The following SLC25A48 variants were observed in gnomAD, a reference collection of about 807,000 sequenced individuals.
SLC25A48 encodes CTC-321K16.1.
In SLC25A48, 29 loss-of-function variants were observed where a neutral mutation model predicts 32.2. The observed-to-expected ratio is 0.90, with a 90% CI of 0.67 to 1.23. The LOEUF is 1.23. SLC25A48 is among the 50% of genes most tolerant of loss of function. The pLI, the probability that SLC25A48 is intolerant of heterozygous loss-of-function variation, is 0.00. For synonymous variants in SLC25A48, 164 were observed against 172.3 expected (o/e 0.95, Z 0.38); for missense variants, 399 against 422.7 (o/e 0.94, Z 0.49).
intron 6 of SLC25A48, among the ~76,000 whole-genome samples, chr5:135,876,860 C>T (rs1236097235): frequency 1.3e-5 from 2 of 152,140 alleles, no homozygotes; most frequent in Admixed American, 1.3e-4. Flanking sequence ...CCTCCAGTGC[C>T]CCAGGGGTGG....
chr5:135,816,130 C>G (rs1354528605), intron 4 of SLC25A48, among the ~76,000 whole-genome samples: 1 of 152,054 alleles, frequency 6.6e-6, no homozygotes, highest in Non-Finnish European at 1.5e-5. Context: ...CATCAGATCT[C>G]GTAAGAACTC....
upstream of SLC25A48, among the ~76,000 whole-genome samples, chr5:135,831,389 T>C (rs1473018405): frequency 6.6e-6 from 1 of 152,256 alleles, no homozygotes; most frequent in East Asian, 1.9e-4. Context: ...CAGTGCAGAA[T>C]GAGGCAGTAC....
At chr5:135,648,098 A>G (rs1175923714) in intron 3 of SLC25A48, among the ~76,000 whole-genome samples, 2 of 152,144 alleles carry the variant, frequency 1.3e-5, no homozygotes, top group African/African-American at 2.4e-5. Context: ...CTTATGAAGT[A>G]CAGGTAGCCT....
chr5:135,877,319 G>C (rs2126824125), intron 6 of SLC25A48, among the ~76,000 whole-genome samples: 1 of 152,268 alleles, frequency 6.6e-6, no homozygotes, highest in East Asian at 1.9e-4. Flanking sequence ...CAAGGAAGCA[G>C]CTGCTGTGGA....
intron 3 of SLC25A48, among the ~76,000 whole-genome samples, chr5:135,777,661 C>T (rs957473542): frequency 1.3e-5 from 2 of 151,360 alleles, no homozygotes; most frequent in African/African-American, 4.9e-5. Context: ...ATTATTACTC[C>T]CAATATCTCA....
intron 3 of SLC25A48, among the ~76,000 whole-genome samples, chr5:135,763,029 C>G (rs1342514928): frequency 6.6e-6 from 1 of 151,770 alleles, no homozygotes; most frequent in Non-Finnish European, 1.5e-5. Flanking sequence ...GAGAGTGAAC[C>G]TGGAGGGGCG....
chr5:135,702,618 A>G (rs1290874538), intron 3 of SLC25A48, among the ~76,000 whole-genome samples: 1 of 152,228 alleles, frequency 6.6e-6, no homozygotes, highest in Non-Finnish European at 1.5e-5. Context: ...GTAGAAAAGC[A>G]ATGGACCATT....
chr5:135,646,295 G>A (rs1379668926), intron 3 of SLC25A48, among the ~76,000 whole-genome samples: 1 of 152,110 alleles, frequency 6.6e-6, no homozygotes, highest in African/African-American at 2.4e-5. Context: ...AGGAGACCCA[G>A]CATGTGTTTC....
intron 3 of SLC25A48, among the ~76,000 whole-genome samples, chr5:135,686,133 A>G (rs934269875): frequency 1.3e-5 from 2 of 152,054 alleles, no homozygotes; most frequent in Admixed American, 6.6e-5. Flanking sequence ...TCTTCTCATC[A>G]CCACTTAACC....
intron 7 of SLC25A48, 143 bp downstream of exon 7, chr5:135,880,240 C>T: frequency 1.6e-6 from 2 of 1,215,720 alleles, no homozygotes; most frequent in South Asian, 1.7e-5. Context: ...GGCTGCCACC[C>T]TTTTCGTCAC....
chr5:135,870,080 C>T (rs1761516324), intron 4 of SLC25A48, among the ~76,000 whole-genome samples: 1 of 152,192 alleles, frequency 6.6e-6, no homozygotes, highest in East Asian at 1.9e-4. Context: ...TGCTTCTAAC[C>T]TTTCCTCTGA....
chr5:135,797,770 ACT>A (rs1004652156), intron 3 of SLC25A48, among the ~76,000 whole-genome samples: 6 of 151,638 alleles, frequency 4.0e-5, no homozygotes, highest in Non-Finnish European at 8.8e-5. Context: ...GGATGATATA[ACT>A]CTCAATATCT....
chr5:135,764,655 T>C (rs12521839), intron 3 of SLC25A48, among the ~76,000 whole-genome samples: 59,951 of 149,680 alleles, frequency 0.4, 13,639 homozygotes, highest in Non-Finnish European at 0.52. Flanking sequence ...GTGATATTAC[T>C]TCCCATATCG....
At chr5:135,701,904 C>T (rs1754404307) in intron 3 of SLC25A48, among the ~76,000 whole-genome samples, 1 of 152,264 alleles carries the variant, frequency 6.6e-6, no homozygotes, top group African/African-American at 2.4e-5. Context: ...CCATGTCACT[C>T]TTTTGCTTAA....
At chr5:135,705,317 G>A (rs1469550121) in intron 3 of SLC25A48, among the ~76,000 whole-genome samples, 2 of 152,230 alleles carry the variant, frequency 1.3e-5, no homozygotes, top group African/African-American at 4.8e-5. Context: ...TGATAAATGG[G>A]AAGGCTGGCT....
intron 1 of SLC25A48, among the ~76,000 whole-genome samples, chr5:135,605,133 G>T (rs1751903237): frequency 6.6e-6 from 1 of 152,120 alleles, no homozygotes; most frequent in Non-Finnish European, 1.5e-5. Flanking sequence ...TATATAATTT[G>T]TAATAATGGC....
chr5:135,719,861 G>C (rs1213248000), intron 3 of SLC25A48, among the ~76,000 whole-genome samples: 1 of 152,196 alleles, frequency 6.6e-6, no homozygotes, highest in Non-Finnish European at 1.5e-5. Flanking sequence ...ATCTCCTGCA[G>C]TAGAGATGAC....
intron 3 of SLC25A48, among the ~76,000 whole-genome samples, chr5:135,728,456 T>C (rs928363360): frequency 2.2e-4 from 33 of 152,158 alleles, no homozygotes; most frequent in Non-Finnish European, 2.9e-5. Context: ...GTGGTGATAG[T>C]TGTAATTTTA....
intron 3 of SLC25A48, among the ~76,000 whole-genome samples, chr5:135,766,827 C>A (rs773952059): frequency 6.6e-6 from 1 of 150,848 alleles, no homozygotes; most frequent in African/African-American, 2.4e-5. Context: ...AAAGTGTACA[C>A]CATCTTGCGA....
Sources: gnomAD v4.1 joint callset for allele counts (sites outside exome capture counted in the v4.1 genomes callset) on GRCh38, gnomAD v4.1.1 for gene constraint, MANE v1.5 for transcripts, NCBI Gene and HGNC (gene_info 2026-07-23, HGNC 2026-07-21) for gene names.